Variants in LMBR1 observed in about 807,000 individuals in gnomAD.
LMBR1 encodes limb development membrane protein 1.
Under a neutral mutation model 73.9 loss-of-function variants are expected in LMBR1, and 52 were observed. That is an observed-to-expected ratio of 0.70 (90% CI 0.56 to 0.89). The LOEUF is 0.89. Ranked by LOEUF, LMBR1 falls within the 40% of genes least tolerant of loss-of-function variation. The pLI, the probability that LMBR1 is intolerant of heterozygous loss-of-function variation, is 0.00. For missense variants in LMBR1, 539 were observed against 579.8 expected, an observed-to-expected ratio of 0.93 and a Z score of 0.72; for synonymous variants, 215 against 209.4, an observed-to-expected ratio of 1.03 and a Z score of -0.23.
At chr7:156,703,725 AC>A (rs901303403) in intron 15 of LMBR1, among the ~76,000 whole-genome samples, 1 of 151,966 alleles carries the variant, frequency 6.6e-6, no homozygotes, top group African/African-American at 2.4e-5. Flanking sequence ...GCATACAATC[AC>A]CATGGGGGAC....
chr7:156,783,724 C>T (rs372097401), intron 5 of LMBR1, among the ~76,000 whole-genome samples: 2 of 151,856 alleles, frequency 1.3e-5, no homozygotes, highest in East Asian at 1.9e-4. Context: ...TTTTATTTGC[C>T]GCTATGCAGT....
chr7:156,742,358 T>C (rs962596580), intron 9 of LMBR1, among the ~76,000 whole-genome samples: 1 of 151,730 alleles, frequency 6.6e-6, no homozygotes, highest in African/African-American at 2.4e-5. Context: ...TTTTGAAAAG[T>C]TGACAAAACT....
At chr7:156,814,791 C>A (rs549641880) in intron 4 of LMBR1, among the ~76,000 whole-genome samples, 1 of 152,120 alleles carries the variant, frequency 6.6e-6, no homozygotes, top group Non-Finnish European at 1.5e-5. Flanking sequence ...TTATGAAGAA[C>A]AGAAGATAAA....
intron 10 of LMBR1, among the ~76,000 whole-genome samples, chr7:156,733,592 G>A (rs890912613): frequency 5.3e-5 from 8 of 151,868 alleles, no homozygotes; most frequent in Admixed American, 1.3e-4. Context: ...AGCTATAGAC[G>A]CTAATCAAAA....
At chr7:156,813,810 TC>T (rs1833482649) in intron 4 of LMBR1, among the ~76,000 whole-genome samples, 1 of 152,204 alleles carries the variant, frequency 6.6e-6, no homozygotes, top group African/African-American at 2.4e-5. Flanking sequence ...TTTACACTGT[TC>T]AATACCTGCT....
At position 156,683,875 on chromosome 7, in the gene LMBR1, C is replaced by G; in HGVS notation, c.*203G>C. 2 of 556,564 alleles carry G rather than the reference C, an allele frequency of 3.6e-6. No homozygotes were observed. Among genetic ancestry groups the G allele is most frequent in the Non-Finnish European group, 6.3e-6 (2 of 315,036 alleles). 34.5% of individuals were successfully genotyped at this position (556,564 alleles called of 1,614,324 possible). A position where few individuals can be genotyped will look rare whatever the true frequency, so the allele number is the denominator to read the frequency against. On this transcript the variant is annotated 3_prime_UTR_variant, in exon 17 of 17. Transcript: ENST00000353442. The stretch of plus-strand genomic sequence containing the variant: ...TAAGGAATCTGCACTTAACTGGAAA[C>G]TACAGGGTCCATCAGAAAGTTAAAT...
downstream of LMBR1, among the ~76,000 whole-genome samples, chr7:156,673,793 G>A (rs777442382): frequency 4.6e-5 from 7 of 151,908 alleles, no homozygotes; most frequent in Non-Finnish European, 8.8e-5. Flanking sequence ...GCTGTCTCAC[G>A]ATCTTTTTGC....
intron 4 of LMBR1, among the ~76,000 whole-genome samples, chr7:156,817,887 T>G (rs1211511771): frequency 1.3e-5 from 2 of 152,192 alleles, no homozygotes; most frequent in Non-Finnish European, 2.9e-5. Context: ...AACAAATACC[T>G]ACATTATCAT....
At chr7:156,676,893 A>C (rs998118275), downstream of LMBR1, 1 of 475,108 alleles carries the variant, frequency 2.1e-6, no homozygotes, top group Non-Finnish European at 3.8e-6. Flanking sequence ...AAATATGAAT[A>C]GCAAAAAATG....
At chr7:156,881,585 G>T (rs1321340284) in intron 1 of LMBR1, among the ~76,000 whole-genome samples, 1 of 151,986 alleles carries the variant, frequency 6.6e-6, no homozygotes, top group African/African-American at 2.4e-5. Flanking sequence ...ATCTGAAAAG[G>T]GGTTAATATC....
At chr7:156,709,959 C>T (rs1417624822) in intron 15 of LMBR1, among the ~76,000 whole-genome samples, 1 of 128,764 alleles carries the variant, frequency 7.8e-6, no homozygotes, top group East Asian at 2.4e-4. Flanking sequence ...GGCTGGAGTG[C>T]AGTGGCGCGA....
At chr7:156,719,392 T>C (rs1813997208) in intron 15 of LMBR1, among the ~76,000 whole-genome samples, 1 of 152,104 alleles carries the variant, frequency 6.6e-6, no homozygotes, top group Non-Finnish European at 1.5e-5. Context: ...TGTTGGACAT[T>C]TGGATTGGTT....
chr7:156,687,839 T>C (rs1806297835), intron 16 of LMBR1, among the ~76,000 whole-genome samples, 191 bp downstream of exon 16: 1 of 152,214 alleles, frequency 6.6e-6, no homozygotes, highest in African/African-American at 2.4e-5. Context: ...AGGAAGATGA[T>C]ACTATCACTG....
chr7:156,811,248 T>TTAC, intron 4 of LMBR1, among the ~76,000 whole-genome samples: 1 of 152,170 alleles, frequency 6.6e-6, no homozygotes, highest in East Asian at 1.9e-4. Flanking sequence ...TTTTGTTTTT[T>TTAC]TACATCTTTT....
chr7:156,766,806 C>G (rs1445795270), intron 5 of LMBR1, among the ~76,000 whole-genome samples: 7 of 152,118 alleles, frequency 4.6e-5, no homozygotes, highest in African/African-American at 1.7e-4. Flanking sequence ...GGTTGTCACT[C>G]CCTCTCCTCT....
chr7:156,817,230 T>C (rs1417339406), intron 4 of LMBR1, among the ~76,000 whole-genome samples: 2 of 152,160 alleles, frequency 1.3e-5, no homozygotes, highest in African/African-American at 4.8e-5. Flanking sequence ...TTTATCATTT[T>C]TCCTCACATA....
At position 156,791,805 on chromosome 7, in the gene LMBR1, A is replaced by G. The variant is rs537458949; in HGVS notation, c.423+4584T>C. Among the ~76,000 whole-genome samples, 28 of 152,318 alleles carry G rather than the reference A, an allele frequency of 1.8e-4. No homozygotes were observed. Among genetic ancestry groups the G allele is most frequent in the African/African-American group, 6.7e-4 (28 of 41,558 alleles). ...ATTCAGGGATGTCTGGATGGTTTGGATAATTGGTCAGGATGTTGCTTATGT... is the reference window on the plus strand; with the variant it reads ...ATTCAGGGATGTCTGGATGGTTTGGGTAATTGGTCAGGATGTTGCTTATGT... On this transcript the variant is annotated intron_variant, in intron 5 of 16. Coordinates refer to ENST00000353442, the MANE Select transcript of LMBR1 (RefSeq NM_022458.4).
In LMBR1 at chr7:156,669,541, G is replaced by A. The variant is rs889246439; in HGVS notation, n.867-254C>T. On this transcript the variant is annotated intron_variant and non_coding_transcript_variant, in intron 4 of 4. Transcript: ENST00000430825. This position sits in a 1 kb window ranked among gnomAD's most constrained non-coding sequence, Gnocchi z 4.2. ...CAGGCTGGCAGAGTGTGAGCCGCTG[G>A]GCACAGGTGACCCTTCCAGGACCCA... Among the ~76,000 whole-genome samples the A allele has an allele frequency of 2.0e-5, 3 of 152,156 alleles. No homozygotes were observed. Among genetic ancestry groups the A allele is most frequent in the Non-Finnish European group, 2.9e-5 (2 of 68,028 alleles).
At chr7:156,704,915 G>A (rs1188655442) in intron 15 of LMBR1, among the ~76,000 whole-genome samples, 1 of 151,780 alleles carries the variant, frequency 6.6e-6, no homozygotes, top group African/African-American at 2.4e-5. Context: ...TAAAGAAAAA[G>A]GAACAAAAAA....
Sources: allele counts gnomAD v4.1 joint callset (sites outside exome capture counted in the v4.1 genomes callset), GRCh38; gene constraint gnomAD v4.1.1; non-coding constraint Gnocchi (gnomAD v3.1); transcripts MANE v1.5; gene names NCBI Gene and HGNC (gene_info 2026-07-23, HGNC 2026-07-21).